OXR1: variants seen among roughly 807,000 people sequenced by gnomAD.
OXR1 encodes oxidation resistance protein 1.
Under a neutral mutation model 104.6 loss-of-function variants are expected in OXR1, and 41 were observed. The observed-to-expected ratio is 0.39, with a 90% confidence interval of 0.31 to 0.51. The LOEUF (loss-of-function observed/expected upper bound fraction) is 0.51. OXR1 is among the 20% of genes least tolerant of loss of function. OXR1 has a pLI of 0.77. For missense variants in OXR1, 955 were observed against 1,031.9 expected, an observed-to-expected ratio of 0.93 and a Z score of 1.02; for synonymous variants, 348 against 348.4, an observed-to-expected ratio of 1.00 and a Z score of 0.01.
chr8:106,390,463 T>G (rs988154126), intron 2 of OXR1, among the ~76,000 whole-genome samples: 1 of 152,186 alleles, frequency 6.6e-6, no homozygotes, highest in Non-Finnish European at 1.5e-5. Context: ...ATAACACCGT[T>G]AAGAGATGCA....
intron 3 of OXR1, among the ~76,000 whole-genome samples, chr8:106,596,240 G>A (rs1208444868): frequency 1.3e-5 from 2 of 152,032 alleles, no homozygotes; most frequent in Non-Finnish European, 2.9e-5. Context: ...GAGATCAGGA[G>A]TTTGGGACCA....
intron 2 of OXR1, among the ~76,000 whole-genome samples, chr8:106,514,106 A>G (rs570470030): frequency 6.6e-6 from 1 of 152,296 alleles, no homozygotes; most frequent in East Asian, 1.9e-4. Flanking sequence ...AATGCAAAGC[A>G]CATTCAACAA....
At chr8:106,647,378 A>C (rs974624968) in intron 3 of OXR1, among the ~76,000 whole-genome samples, 10 of 152,196 alleles carry the variant, frequency 6.6e-5, no homozygotes, top group African/African-American at 1.7e-4. Context: ...GATTATATTC[A>C]AACGATAACC....
chr8:106,329,087 G>C lies in OXR1; in HGVS notation c.-138-30389G>C, dbSNP rs192939740. ...GCTCACCGCATCCTCTGCCTCCTGG[G>C]TTCAAGCGATTGTCCTGCCTCAGCC... On this transcript the variant is annotated intron_variant, in intron 1 of 16. Coordinates refer to ENST00000517566, the MANE Select transcript of OXR1 (RefSeq NM_001198533.2). Among the ~76,000 whole-genome samples the C allele has an allele frequency of 1.5e-3, 234 of 152,136 alleles. 1 individual carries two copies. Among genetic ancestry groups the C allele is most frequent in the African/African-American group, 5.5e-3 (230 of 41,480 alleles).
At chr8:106,309,668 CAT>C (rs1586504126) in intron 1 of OXR1, among the ~76,000 whole-genome samples, 2 of 151,604 alleles carry the variant, frequency 1.3e-5, no homozygotes, top group African/African-American at 2.4e-5. Flanking sequence ...TTTGTTTTCA[CAT>C]GTGGTAAAAT....
At chr8:106,350,000 G>A (rs938842133) in intron 1 of OXR1, among the ~76,000 whole-genome samples, 4 of 152,148 alleles carry the variant, frequency 2.6e-5, no homozygotes, top group Non-Finnish European at 1.5e-5. Flanking sequence ...AAGGCTGTGG[G>A]TATAGGGTAA....
chr8:106,483,552 T>A (rs1822267495), intron 2 of OXR1, among the ~76,000 whole-genome samples: 1 of 151,916 alleles, frequency 6.6e-6, no homozygotes, highest in Non-Finnish European at 1.5e-5. Flanking sequence ...CTTAACCCCA[T>A]CTGCACCAAG....
chr8:106,314,050 A>AT (rs1279186311), intron 1 of OXR1, among the ~76,000 whole-genome samples: 1 of 152,198 alleles, frequency 6.6e-6, no homozygotes, highest in Non-Finnish European at 1.5e-5. Flanking sequence ...CATCATACAC[A>AT]TTCAGAGAAT....
intron 2 of OXR1, among the ~76,000 whole-genome samples, chr8:106,413,482 T>C (rs1384529320): frequency 1.3e-5 from 2 of 152,120 alleles, no homozygotes; most frequent in Non-Finnish European, 2.9e-5. Context: ...GAGGTAGTGA[T>C]TGCTAAACAT....
chr8:106,470,484 G>A (rs764836364), intron 2 of OXR1, among the ~76,000 whole-genome samples: 1 of 150,208 alleles, frequency 6.7e-6, no homozygotes, highest in South Asian at 2.1e-4. Flanking sequence ...GGGAAAGACT[G>A]GGGGGTAGAA....
chr8:106,300,256 C>T (rs953901169), intron 1 of OXR1, among the ~76,000 whole-genome samples: 1 of 152,068 alleles, frequency 6.6e-6, no homozygotes. Flanking sequence ...TTTACTCACC[C>T]TTTTCAATTG....
intron 3 of OXR1, among the ~76,000 whole-genome samples, chr8:106,609,889 A>G (rs1459233013): frequency 2.0e-5 from 3 of 152,048 alleles, no homozygotes; most frequent in Non-Finnish European, 2.9e-5. Flanking sequence ...CACAAACAGA[A>G]AGCAAATGGG....
At chr8:106,484,597 G>T (rs2129780743) in intron 2 of OXR1, among the ~76,000 whole-genome samples, 1 of 151,980 alleles carries the variant, frequency 6.6e-6, no homozygotes, top group Admixed American at 6.6e-5. Flanking sequence ...TCAAGGAAAT[G>T]CAAATTAAAA....
At chr8:106,641,605 G>A (rs1461987061) in intron 3 of OXR1, among the ~76,000 whole-genome samples, 2 of 152,066 alleles carry the variant, frequency 1.3e-5, no homozygotes, top group Non-Finnish European at 2.9e-5. Context: ...AGTATTAGTA[G>A]CATACCCAAA....
intron 4 of OXR1, 112 bp downstream of exon 4, chr8:106,679,404 A>T (rs1827925775): frequency 2.1e-6 from 1 of 479,470 alleles, no homozygotes; most frequent in South Asian, 5.0e-5. Context: ...TATTTTTAAA[A>T]ATCTGTATTT....
At chr8:106,696,551 C>T (rs1298896759) in intron 7 of OXR1, among the ~76,000 whole-genome samples, 1 of 152,130 alleles carries the variant, frequency 6.6e-6, no homozygotes, top group Non-Finnish European at 1.5e-5. Flanking sequence ...GAACTCTCCT[C>T]CAAAGGACCT....
At chr8:106,728,598 A>AT (rs1294949158) in intron 11 of OXR1, among the ~76,000 whole-genome samples, 2 of 152,208 alleles carry the variant, frequency 1.3e-5, no homozygotes. Context: ...GATGAGAACC[A>AT]TATTGATCAA....
chr8:106,575,685 C>A (rs1817772282), intron 3 of OXR1, among the ~76,000 whole-genome samples: 1 of 127,114 alleles, frequency 7.9e-6, no homozygotes, highest in Admixed American at 9.0e-5. Context: ...ATCCAAGAAC[C>A]TTGAAGAATA....
intron 1 of OXR1, among the ~76,000 whole-genome samples, chr8:106,280,301 C>T (rs545936188): frequency 6.6e-6 from 1 of 152,294 alleles, no homozygotes; most frequent in South Asian, 2.1e-4. Flanking sequence ...AACTGGGTAG[C>T]TTAAAACAAC....
Sources: allele counts gnomAD v4.1 joint callset (sites outside exome capture counted in the v4.1 genomes callset), GRCh38; gene constraint gnomAD v4.1.1; transcripts MANE v1.5; gene names NCBI Gene and HGNC (gene_info 2026-07-23, HGNC 2026-07-21).